TRRAP: variants seen among roughly 807,000 people sequenced by gnomAD.
TRRAP encodes the protein transformation/transcription domain-associated protein.
TRRAP carries 41 observed loss-of-function variants against 438.8 expected under a neutral mutation model. The ratio of observed to expected loss-of-function variants is 0.09; its 90% CI spans 0.07 to 0.12. The LOEUF (loss-of-function observed/expected upper bound fraction) is 0.12, where lower values mean the gene tolerates loss of function less well. Among genes scored for constraint, TRRAP ranks in the 10% least tolerant of loss-of-function variants. The pLI, the probability that TRRAP is intolerant of heterozygous loss-of-function variation, is 1.00. For missense variants in TRRAP, 3,122 were observed against 5,055.1 expected, an observed-to-expected ratio of 0.62 and a Z score of 11.60; for synonymous variants, 1,994 against 1,962.9, an observed-to-expected ratio of 1.02 and a Z score of -0.42.
chr7:98,995,953 A>G (rs219835), intron 67 of TRRAP, among the ~76,000 whole-genome samples: 13,697 of 128,192 alleles, frequency 0.11, 3,091 homozygotes, highest in African/African-American at 0.45. Context: ...CTCCCGTCCC[A>G]TCCTCGCATC....
Position 98,910,269 on chromosome 7 carries a change from GC to G in TRRAP, c.1569del (p.Val524CysfsTer41). ...CCCACCTGCCACCCCTGTGACCCCG[GC>G]CCCCGTGCCTCCCTTCGAGAAGCAA... ...PPPPATPVTPAPVPPFEKQGE... is the reference protein window; with the variant it reads ...PPPPATPVTPXPVPPFEKQGE... On this transcript the variant is annotated frameshift_variant, in exon 15 of 73. Transcript: ENST00000456197. LOFTEE classifies it high-confidence loss of function. 7.8e-7 allele frequency: 1 copy of G among 1,282,174 alleles called. No homozygotes were observed. 79.4% of individuals were successfully genotyped at this position (1,282,174 alleles called of 1,614,324 possible).
chr7:98,979,000 G>T, intron 58 of TRRAP, 96 bp downstream of exon 58: 2 of 1,518,280 alleles, frequency 1.3e-6, no homozygotes, highest in Non-Finnish European at 8.9e-7. Flanking sequence ...CAAGCATTTT[G>T]GCAGTGGAAA....
Position 98,925,000 on chromosome 7 carries a change from G to A in TRRAP, c.2824-112G>A, listed in dbSNP as rs1275961230. The A allele has an allele frequency of 3.4e-5, 47 of 1,391,178 alleles. No individual in the cohort carries two copies. The Admixed American group carries it at 6.6e-4, about 20-fold the overall frequency. The allele number at this position is 1,391,178 out of a possible 1,614,324, so 86.2% of individuals were successfully genotyped here. A position where few individuals can be genotyped will look rare whatever the true frequency, so the allele number is the denominator to read the frequency against. The stretch of plus-strand genomic sequence containing the variant: ...AGCCCAGGCGACAGAGCGAGACTCC[G>A]TCTCAAAAAAAAAAAAAGATTCTTC... On this transcript the variant is annotated intron_variant, in intron 21 of 72. Transcript: ENST00000456197.
intron 67 of TRRAP, among the ~76,000 whole-genome samples, chr7:98,997,483 CAAAAAAAAAAAAAAAAA>C (rs61132070): frequency 7.0e-5 from 3 of 42,622 alleles, no homozygotes; most frequent in Non-Finnish European, 1.3e-4. Context: ...ACTGCTGTTG[CAAAAAAAAAAAAAAAAA>C]AAAAAAAAAA....
intron 62 of TRRAP, among the ~76,000 whole-genome samples, chr7:98,986,640 G>A (rs73161940): frequency 0.028 from 4,202 of 152,210 alleles, 85 homozygotes; most frequent in South Asian, 0.055. Context: ...ATTTTGTCAC[G>A]TTCTGTGGGC....
chr7:98,892,195 TG>T (rs1220651493), intron 4 of TRRAP, among the ~76,000 whole-genome samples: 2 of 152,214 alleles, frequency 1.3e-5, no homozygotes, highest in Non-Finnish European at 2.9e-5. Context: ...TTAGTCGATT[TG>T]GTACAGAGTT....
At chr7:98,933,873 A>G (rs1322202492) in intron 27 of TRRAP, among the ~76,000 whole-genome samples, 1 of 152,188 alleles carries the variant, frequency 6.6e-6, no homozygotes, top group Non-Finnish European at 1.5e-5. Flanking sequence ...CTTACTTTGA[A>G]GGTGTGGAAA....
In TRRAP at chr7:98,948,305, G is replaced by A. The variant is rs1554417353; in HGVS notation, c.4633G>A (p.Val1545Ile). 1 of 1,614,094 alleles carries A rather than the reference G, an allele frequency of 6.2e-7. No homozygotes were observed. Among genetic ancestry groups the A allele is most frequent in the African/African-American group, 1.3e-5 (1 of 74,932 alleles). Reference protein sequence around the residue: ...PQTLVKPLLEVVMKTERAMLI... With the variant: ...PQTLVKPLLEIVMKTERAMLI... ...GACACTGGTGAAGCCTTTGCTAGAG[G>A]TTGTCATGAAAACGGAGCGGGCGAT... The change falls in exon 34 of 73, where the codon GTT (valine) becomes ATT (isoleucine). Residue 1545 changes from valine (V) to isoleucine (I), a missense_variant. This residue lies in a region of TRRAP where 108 missense variants were observed against 256.9 expected (regional missense o/e 0.42). Transcript: ENST00000456197. This position sits in a 1 kb window ranked among gnomAD's most constrained non-coding sequence, Gnocchi z 4.9.
chr7:98,965,827 A>G lies in TRRAP; in HGVS notation c.7108A>G (p.Ile2370Val). 2 of 1,614,118 alleles carry G rather than the reference A, an allele frequency of 1.2e-6. No homozygotes were observed. The highest frequency in any genetic ancestry group is 1.7e-6 in the Non-Finnish European group (2 of 1,180,024). ...SLIEKSPDAK[I>V]LRAVVKIVEE... ...CATCGAAAAATCACCAGATGCCAAA[A>G]TCCTCCGGGCTGTGGTCAAAATCGT... The change falls in exon 49 of 73, where the codon ATC becomes GTC. Residue 2370 changes from isoleucine to valine, a missense_variant. Ile to Val is a conservative substitution (Grantham distance 29, BLOSUM62 3). Around this residue, in one of 24 missense-constraint regions of TRRAP, gnomAD observed 992 missense variants for 1,281.2 expected, o/e 0.77. Coordinates refer to ENST00000456197, the MANE Select transcript of TRRAP (RefSeq NM_001375524.1).
At position 99,005,275 on chromosome 7, in the gene TRRAP, G is replaced by A; in HGVS notation, c.10680G>A (p.Leu3560=). ...AGTCACGGCGAGAGGAGCGTGTGTT[G>A]CAGCTGCTGCGTCTGCTGAACCCCT... ...LTESRREERV[L]QLLRLLNPCL... Residue 3560 remains leucine (L), a synonymous_variant, in exon 69 of 73, where the codon TTG becomes TTA. Coordinates refer to ENST00000456197, the MANE Select transcript of TRRAP (RefSeq NM_001375524.1). The surrounding 1 kb of genome is among the most constrained non-coding windows in gnomAD (Gnocchi z 5.1). The A allele has an allele frequency of 6.2e-7, 1 of 1,614,158 alleles. No individual in the cohort carries two copies. The highest frequency in any genetic ancestry group is 1.7e-5 in the Admixed American group (1 of 60,032).
At chr7:98,880,752 T>C (rs950633859) in intron 1 of TRRAP, among the ~76,000 whole-genome samples, 1 of 152,202 alleles carries the variant, frequency 6.6e-6, no homozygotes, top group Non-Finnish European at 1.5e-5. Flanking sequence ...TGCTTTCTGG[T>C]TATAGCAGCG....
At chr7:98,896,222 T>G (rs992961006) in intron 7 of TRRAP, among the ~76,000 whole-genome samples, 19 of 152,116 alleles carry the variant, frequency 1.2e-4, no homozygotes, top group African/African-American at 4.3e-4. Context: ...CAGTTTTTTT[T>G]TAAATTTTAC....
In TRRAP at chr7:98,911,611, C is replaced by T. The variant is rs144245369; in HGVS notation, c.2007+340C>T. On this transcript the variant is annotated intron_variant, in intron 17 of 72. Transcript: ENST00000456197. The stretch of plus-strand genomic sequence containing the variant: ...GTGAAACCCATCTCTACAAAAAATA[C>T]AAAAATTAGCTGGGTGTGGTGGCAC... Among the ~76,000 whole-genome samples the T allele has an allele frequency of 6.8e-4, 104 of 151,940 alleles. 1 individual carries two copies. The highest frequency in any genetic ancestry group is 2.4e-3 in the African/African-American group (101 of 41,468).
At chr7:98,960,797 A>G (rs1157758375) in intron 45 of TRRAP, among the ~76,000 whole-genome samples, 2 of 150,076 alleles carry the variant, frequency 1.3e-5, no homozygotes, top group Non-Finnish European at 3.0e-5. Context: ...GTGTATTTTT[A>G]GTAGAGACGG....
At chr7:98,999,367 GCACAGCTCTCTCATC>G (rs1793816552) in intron 67 of TRRAP, 2 of 1,394,628 alleles carry the variant, frequency 1.4e-6, no homozygotes, top group Non-Finnish European at 2.0e-6. Context: ...TCCACATCCT[GCACAGCTCTCTCATC>G]CACAATTTCC....
At position 99,011,314 on chromosome 7, in the gene TRRAP, C is replaced by T. The variant is rs747643689; in HGVS notation, c.11143-27C>T. ...GTGACATCGCCTTTCTGCTGAAGTTCCTAAAGTGTCTCCTTCTGAAATTTA... is the reference window on the plus strand; with the variant it reads ...GTGACATCGCCTTTCTGCTGAAGTTTCTAAAGTGTCTCCTTCTGAAATTTA... On this transcript the variant is annotated intron_variant, in intron 71 of 72. Transcript: ENST00000456197. This position sits in a 1 kb window ranked among gnomAD's most constrained non-coding sequence, Gnocchi z 7.1. 4.3e-6 allele frequency: 7 copies of T among 1,613,026 alleles called. No individual in the cohort carries two copies. Among genetic ancestry groups the T allele is most frequent in the Non-Finnish European group, 5.1e-6 (6 of 1,179,038 alleles).
chr7:98,882,162 G>T, intron 3 of TRRAP, 138 bp downstream of exon 3: 1 of 775,706 alleles, frequency 1.3e-6, no homozygotes, highest in Non-Finnish European at 2.0e-6. Flanking sequence ...TTTCGAAACT[G>T]AAATCTGAAA....
rs782479367 is a variant in TRRAP at position 98,948,695 on chromosome 7, G to A, written c.4788+10G>A. 12 of 1,614,200 alleles carry A rather than the reference G, an allele frequency of 7.4e-6. No individual in the cohort carries two copies. In the Middle Eastern group the frequency reaches 6.6e-4, roughly 89 times the overall value. ...GAGCAGAATGTTTATGGTAAGAGCT[G>A]TGAGCAGCTGGAGTCAGGGGTCCCT... On this transcript the variant is annotated intron_variant, in intron 35 of 72. Coordinates refer to ENST00000456197, the MANE Select transcript of TRRAP (RefSeq NM_001375524.1). This position sits in a 1 kb window ranked among gnomAD's most constrained non-coding sequence, Gnocchi z 4.9.
intron 67 of TRRAP, among the ~76,000 whole-genome samples, chr7:98,997,181 C>T (rs1455163691): frequency 1.3e-5 from 2 of 151,906 alleles, no homozygotes; most frequent in Non-Finnish European, 2.9e-5. Context: ...TGGCGTGCGC[C>T]TGTAATCCCA....
Sources: allele counts gnomAD v4.1 joint callset (sites outside exome capture counted in the v4.1 genomes callset), GRCh38; gene constraint gnomAD v4.1.1; regional missense constraint gnomAD v4.1.1; non-coding constraint Gnocchi (gnomAD v3.1); transcripts MANE v1.5; gene names NCBI Gene and HGNC (gene_info 2026-07-23, HGNC 2026-07-21).